The following RAB30 variants were observed in gnomAD, a reference collection of about 807,000 sequenced individuals.
RAB30 encodes RAB30, member RAS oncogene family.
Under a neutral mutation model 25.1 loss-of-function variants are expected in RAB30, and 9 were observed. The ratio of observed to expected loss-of-function variants is 0.36; its 90% CI spans 0.22 to 0.63. The LOEUF (loss-of-function observed/expected upper bound fraction) is 0.63, where lower values mean the gene tolerates loss of function less well. Ranked by LOEUF, RAB30 falls within the 20% of genes least tolerant of loss-of-function variation. The probability of loss-of-function intolerance (pLI) is 0.69; values close to 1 mark genes in which losing one functional copy is unlikely to be tolerated. For synonymous variants in RAB30, 77 were observed against 86.4 expected (o/e 0.89, Z 0.60); for missense variants, 140 against 243.5 (o/e 0.58, Z 2.83).
At chr11:83,002,661 G>A (rs1019064855) in intron 1 of RAB30, among the ~76,000 whole-genome samples, 29 of 150,838 alleles carry the variant, frequency 1.9e-4, no homozygotes, top group African/African-American at 4.9e-4. Flanking sequence ...TTTACCAGGC[G>A]TGGTGGCTCA....
At chr11:83,035,159 C>A (rs1006626407) in intron 1 of RAB30, among the ~76,000 whole-genome samples, 2 of 151,744 alleles carry the variant, frequency 1.3e-5, no homozygotes, top group Non-Finnish European at 2.9e-5. Context: ...ATCAAGGTCA[C>A]TGCATCACCA....
intron 1 of RAB30, among the ~76,000 whole-genome samples, chr11:83,010,005 G>T (rs1857270809): frequency 6.6e-6 from 1 of 152,188 alleles, no homozygotes; most frequent in African/African-American, 2.4e-5. Context: ...GCCCTCAAGT[G>T]ATCCTCCTGC....
intron 1 of RAB30, among the ~76,000 whole-genome samples, chr11:83,016,602 C>T (rs944695281): frequency 6.6e-6 from 1 of 152,130 alleles, no homozygotes; most frequent in Admixed American, 6.5e-5. Context: ...TAAAAATGTG[C>T]CCAAGGCTAA....
intron 1 of RAB30, among the ~76,000 whole-genome samples, chr11:83,013,157 C>T (rs2121497055): frequency 6.6e-6 from 1 of 152,178 alleles, no homozygotes; most frequent in Non-Finnish European, 1.5e-5. Flanking sequence ...GATTTCGGGT[C>T]ACTGCAACCT....
chr11:83,011,868 T>C (rs1857311244), intron 1 of RAB30, among the ~76,000 whole-genome samples: 2 of 152,078 alleles, frequency 1.3e-5, no homozygotes, highest in South Asian at 4.1e-4. Context: ...TGCTGCCAAA[T>C]GCAATGCAGA....
intron 1 of RAB30, among the ~76,000 whole-genome samples, chr11:83,058,241 T>C (rs1858495764): frequency 6.6e-6 from 1 of 152,216 alleles, no homozygotes; most frequent in Non-Finnish European, 1.5e-5. Flanking sequence ...TTCCACGGTA[T>C]AATTATCAAA....
rs759374007 is a variant in RAB30 at position 82,987,734 on chromosome 11, G to A, written c.214C>T (p.Arg72Trp). The A allele has an allele frequency of 3.7e-6, 6 of 1,612,220 alleles. No individual in the cohort carries two copies. The highest frequency in any genetic ancestry group is 5.1e-6 in the Non-Finnish European group (6 of 1,178,836). ...IWDTAGQERF[R>W]SITQSYYRSA... ...CGGTAGTAACTCTGGGTAATGGACC[G>A]AAATCTCTCTTGACCTGCTGTGTCC... Residue 72 changes from arginine (R) to tryptophan (W), a missense_variant, in exon 4 of 5, where the codon CGG (arginine) becomes TGG (tryptophan). Coordinates refer to ENST00000527633, the MANE Select transcript of RAB30 (RefSeq NM_001286060.2).
intron 1 of RAB30, among the ~76,000 whole-genome samples, chr11:83,004,345 C>A (rs1857143967): frequency 6.6e-6 from 1 of 151,992 alleles, no homozygotes; most frequent in Non-Finnish European, 1.5e-5. Context: ...AAATTTGTTC[C>A]AAATATTGCA....
intron 1 of RAB30, among the ~76,000 whole-genome samples, chr11:83,001,046 C>CAAAAAA (rs1181057652): frequency 5.6e-5 from 3 of 53,634 alleles, no homozygotes; most frequent in Non-Finnish European, 9.8e-5. Context: ...GACTCCGTCT[C>CAAAAAA]AAAAAAAAAA....
intron 1 of RAB30, among the ~76,000 whole-genome samples, chr11:83,056,349 T>C (rs1858458665): frequency 6.6e-6 from 1 of 152,232 alleles, no homozygotes; most frequent in East Asian, 1.9e-4. Flanking sequence ...GTGGCATGTG[T>C]CACAACTTCC....
chr11:83,057,517 A>G (rs1260923652), intron 1 of RAB30, among the ~76,000 whole-genome samples: 1 of 152,230 alleles, frequency 6.6e-6, no homozygotes, highest in Non-Finnish European at 1.5e-5. Flanking sequence ...ATTAACATTT[A>G]ACATGGCTAA....
chr11:82,992,474 T>C (rs1407650811), intron 3 of RAB30: 11 of 439,060 alleles, frequency 2.5e-5, no homozygotes, highest in Non-Finnish European at 4.1e-5. Flanking sequence ...TTCTCTGTGA[T>C]GGCAAGTATC....
chr11:82,987,521 C>T, intron 4 of RAB30, 66 bp downstream of exon 4: 1 of 1,466,914 alleles, frequency 6.8e-7, no homozygotes, highest in Non-Finnish European at 9.3e-7. Flanking sequence ...AATGTATAAG[C>T]TTTATGTGAT....
chr11:83,010,543 C>T (rs1904429), intron 1 of RAB30, among the ~76,000 whole-genome samples: 87,092 of 151,882 alleles, frequency 0.57, 25,529 homozygotes, highest in African/African-American at 0.72. Context: ...TCCTTTTTTT[C>T]ATATTTATAT....
intron 1 of RAB30, among the ~76,000 whole-genome samples, chr11:83,001,600 T>A (rs1857087140): frequency 6.6e-6 from 1 of 152,242 alleles, no homozygotes; most frequent in Admixed American, 6.5e-5. Context: ...TTGCTTCTAA[T>A]GGAAAACACA....
chr11:83,051,661 TA>T (rs1260139261), intron 1 of RAB30, among the ~76,000 whole-genome samples: 1 of 151,904 alleles, frequency 6.6e-6, no homozygotes, highest in Non-Finnish European at 1.5e-5. Flanking sequence ...CTTCTAGCTT[TA>T]AACTCATAAA....
chr11:83,059,540 A>C (rs778510171), intron 1 of RAB30, among the ~76,000 whole-genome samples: 11 of 152,230 alleles, frequency 7.2e-5, no homozygotes, highest in Non-Finnish European at 1.6e-4. Context: ...GGTTTCAGCA[A>C]GTGACATTCT....
At chr11:83,026,739 T>A (rs1194930544) in intron 1 of RAB30, among the ~76,000 whole-genome samples, 1 of 152,132 alleles carries the variant, frequency 6.6e-6, no homozygotes, top group South Asian at 2.1e-4. Flanking sequence ...GGAGAAGGTG[T>A]CACACTGAAC....
chr11:83,006,466 A>T (rs1015659623), intron 1 of RAB30, among the ~76,000 whole-genome samples: 1 of 152,224 alleles, frequency 6.6e-6, no homozygotes, highest in Non-Finnish European at 1.5e-5. Flanking sequence ...GCGGGGGCAT[A>T]TGATTCTATA....
Sources: allele counts gnomAD v4.1 joint callset (sites outside exome capture counted in the v4.1 genomes callset), GRCh38; gene constraint gnomAD v4.1.1; transcripts MANE v1.5; gene names NCBI Gene and HGNC (gene_info 2026-07-23, HGNC 2026-07-21).